The following GTPBP10 variants were observed in gnomAD, a reference collection of about 807,000 sequenced individuals.
GTPBP10 encodes GTP binding protein 10, also known as GTP-binding protein 10.
Under a neutral mutation model 44.8 loss-of-function variants are expected in GTPBP10, and 38 were observed. The ratio of observed to expected loss-of-function variants is 0.85; its 90% confidence interval spans 0.65 to 1.11. The LOEUF (loss-of-function observed/expected upper bound fraction) is 1.11. Among genes scored for constraint, GTPBP10 ranks in the 50% most tolerant of loss-of-function variants. GTPBP10 has a pLI of 0.00. For missense variants in GTPBP10, 462 were observed against 453.7 expected (o/e 1.02, Z -0.17); for synonymous variants, 152 against 150.6 (o/e 1.01, Z -0.07).
At chr7:90,370,626 C>T (rs1434353361) in intron 4 of GTPBP10, among the ~76,000 whole-genome samples, 1 of 152,034 alleles carries the variant, frequency 6.6e-6, no homozygotes, top group Non-Finnish European at 1.5e-5. Flanking sequence ...CACTAAAATC[C>T]TGGACTTCAC....
At chr7:90,384,470 T>C (rs944143912) in intron 9 of GTPBP10, among the ~76,000 whole-genome samples, 4 of 152,180 alleles carry the variant, frequency 2.6e-5, no homozygotes, top group African/African-American at 9.7e-5. Context: ...GATAAACCTA[T>C]ACTTTGGGGA....
At chr7:90,354,573 G>A in intron 3 of GTPBP10, 24 bp downstream of exon 3, 1 of 1,269,950 alleles carries the variant, frequency 7.9e-7, no homozygotes, top group Non-Finnish European at 1.1e-6. Flanking sequence ...AACTCCAAAA[G>A]TTGTAAAAAT....
intron 8 of GTPBP10, among the ~76,000 whole-genome samples, chr7:90,378,828 G>A (rs575270967): frequency 1.3e-5 from 2 of 152,050 alleles, no homozygotes; most frequent in East Asian, 3.9e-4. Flanking sequence ...TCAGCCTCCC[G>A]AGTAGCTGGG....
chr7:90,355,280 TG>T (rs747091826), intron 4 of GTPBP10, 50 bp downstream of exon 4: 1 of 1,184,396 alleles, frequency 8.4e-7, no homozygotes, highest in East Asian at 2.7e-5. Flanking sequence ...AGAGAGTTCT[TG>T]AATAGAAAAT....
chr7:90,355,346 G>T, intron 4 of GTPBP10, 116 bp downstream of exon 4: 1 of 672,870 alleles, frequency 1.5e-6, no homozygotes, highest in Non-Finnish European at 2.4e-6. Flanking sequence ...GAATTTGTGT[G>T]TTGTGTATGT....
chr7:90,370,364 A>G (rs73213234), intron 4 of GTPBP10, among the ~76,000 whole-genome samples: 16,128 of 150,382 alleles, frequency 0.11, 1,069 homozygotes, highest in Non-Finnish European at 0.15. Context: ...GTGTGTATCT[A>G]TATATACACA....
At chr7:90,364,810 C>G (rs1796098419) in intron 4 of GTPBP10, among the ~76,000 whole-genome samples, 1 of 152,162 alleles carries the variant, frequency 6.6e-6, no homozygotes. Context: ...GTTACCTACT[C>G]AAGCCTCAGC....
In GTPBP10 at chr7:90,354,543, A is replaced by AT; in HGVS notation, c.315dup (p.Ile106TyrfsTer6). On this transcript the variant is annotated frameshift_variant, in exon 3 of 10. Transcript: ENST00000222511. LOFTEE classifies it high-confidence loss of function. ...TTCAGTAACTGATGAAAATGGTAAAATTATAGGTGAGTGTACTATAACTCC... is the reference window on the plus strand; with the variant it reads ...TTCAGTAACTGATGAAAATGGTAAAATTTATAGGTGAGTGTACTATAACTCC... 6.5e-7 allele frequency: 1 copy of AT among 1,542,698 alleles called. No individual in the cohort carries two copies.
chr7:90,363,606 A>T (rs192936141), intron 4 of GTPBP10, among the ~76,000 whole-genome samples: 1 of 152,088 alleles, frequency 6.6e-6, no homozygotes, highest in Non-Finnish European at 1.5e-5. Context: ...TCTGACAATT[A>T]TGTGTCTTTG....
At position 90,377,619 on chromosome 7, in the gene GTPBP10, G is replaced by A; in HGVS notation, c.699+5G>A. 6.5e-7 allele frequency: 1 copy of A among 1,541,498 alleles called. No individual in the cohort carries two copies. The highest frequency in any genetic ancestry group is 8.9e-7 in the Non-Finnish European group (1 of 1,119,510). On this transcript the variant is annotated splice_donor_5th_base_variant and intron_variant, in intron 7 of 9. Coordinates refer to ENST00000222511, the MANE Select transcript of GTPBP10 (RefSeq NM_033107.4). ...ACTAGACAACTACTTTTTGTTGTAA[G>A]TCATATGTATACTAATGTGATATTC...
intron 1 of GTPBP10, among the ~76,000 whole-genome samples, chr7:90,348,135 C>T (rs1795716934): frequency 6.6e-6 from 1 of 152,070 alleles, no homozygotes; most frequent in Non-Finnish European, 1.5e-5. Context: ...TGCTTGAGCC[C>T]AGGAGTTTGA....
chr7:90,378,177 G>A lies in GTPBP10; in HGVS notation c.743G>A (p.Arg248Lys), dbSNP rs1479946316. The change falls in exon 8 of 10, where the codon AGG becomes AAG. Residue 248 changes from arginine to lysine, a missense_variant. Physicochemically the swap from Arg to Lys is conservative, Grantham distance 26. Transcript: ENST00000222511. ...GFQLSSHTQY[R>K]TAFETIILLT... is the part of the protein sequence containing the mutation. ...CAGCTTTCTTCTCACACTCAATACA[G>A]GACAGCTTTTGAAACCATAATACTG... 20 of 1,612,804 alleles carry A rather than the reference G, an allele frequency of 1.2e-5. No individual in the cohort carries two copies. The highest frequency in any genetic ancestry group is 1.7e-5 in the Non-Finnish European group (20 of 1,179,524).
At chr7:90,358,272 G>T (rs1795944367) in intron 4 of GTPBP10, among the ~76,000 whole-genome samples, 1 of 152,056 alleles carries the variant, frequency 6.6e-6, no homozygotes. Context: ...ACTGCTGAAA[G>T]AAATCATAGA....
At chr7:90,367,081 A>G (rs936955898) in intron 4 of GTPBP10, among the ~76,000 whole-genome samples, 1 of 152,126 alleles carries the variant, frequency 6.6e-6, no homozygotes, top group Non-Finnish European at 1.5e-5. Context: ...TTCAGTTTCC[A>G]TGTAGTTGTG....
chr7:90,363,820 G>A (rs1796076240), intron 4 of GTPBP10, among the ~76,000 whole-genome samples: 1 of 152,074 alleles, frequency 6.6e-6, no homozygotes, highest in South Asian at 2.1e-4. Context: ...ATTTCTTGGA[G>A]GCTTTGTTCA....
chr7:90,370,944 T>G (rs1056722290), intron 4 of GTPBP10, among the ~76,000 whole-genome samples: 8 of 151,636 alleles, frequency 5.3e-5, no homozygotes, highest in African/African-American at 1.7e-4. Flanking sequence ...AGGTGGAGCT[T>G]GCAGTGAGCC....
In GTPBP10 at chr7:90,347,453, A is replaced by G. The variant is rs74934082; in HGVS notation, c.33+679A>G. On this transcript the variant is annotated intron_variant, in intron 1 of 9. Transcript: ENST00000222511. ...AGTGTTACATATTTAATGGAACTGT[A>G]GAAACTCTCCTCGAGTATATCAGAA... The G allele has an allele frequency of 3.4e-3, 635 of 186,480 alleles. 3 individuals carry two copies. The highest frequency in any genetic ancestry group is 0.014 in the African/African-American group (602 of 42,180). 11.6% of individuals were successfully genotyped at this position (186,480 alleles called of 1,614,324 possible). A position where few individuals can be genotyped will look rare whatever the true frequency, so the allele number is the denominator to read the frequency against.
chr7:90,350,325 C>T (rs1795765783), intron 1 of GTPBP10, among the ~76,000 whole-genome samples: 1 of 152,134 alleles, frequency 6.6e-6, no homozygotes, highest in South Asian at 2.1e-4. Flanking sequence ...GGGTTGGTTC[C>T]AAGTCTTTGC....
Position 90,387,579 on chromosome 7 carries a change from C to G in GTPBP10, c.*2425C>G, listed in dbSNP as rs1219483761. On this transcript the variant is annotated 3_prime_UTR_variant, in exon 10 of 10. Transcript: ENST00000222511. ...TTTTATTTTCTGTTCCTCACTCCTACCTCTCATTCCAGTCCCCAAACTGGC... is the reference window on the plus strand; with the variant it reads ...TTTTATTTTCTGTTCCTCACTCCTAGCTCTCATTCCAGTCCCCAAACTGGC... The G allele has an allele frequency of 1.3e-5, 2 of 152,106 alleles. No homozygotes were observed. The highest frequency in any genetic ancestry group is 4.8e-5 in the African/African-American group (2 of 41,420). 9.4% of individuals were successfully genotyped at this position (152,106 alleles called of 1,614,324 possible). A position where few individuals can be genotyped will look rare whatever the true frequency, so the allele number is the denominator to read the frequency against.
Sources: allele counts gnomAD v4.1 joint callset (sites outside exome capture counted in the v4.1 genomes callset), GRCh38; gene constraint gnomAD v4.1.1; transcripts MANE v1.5; gene names NCBI Gene and HGNC (gene_info 2026-07-23, HGNC 2026-07-21).